TSPEAR: variants seen among roughly 807,000 people sequenced by gnomAD.
TSPEAR encodes thrombospondin type laminin G domain and EAR repeats.
Under a neutral mutation model 71.6 loss-of-function variants are expected in TSPEAR, and 69 were observed. That is an observed-to-expected ratio of 0.96 (90% CI 0.79 to 1.18). The LOEUF is 1.18. Among genes scored for constraint, TSPEAR ranks in the 50% most tolerant of loss-of-function variants. TSPEAR has a pLI of 0.00. For missense variants in TSPEAR, 971 were observed against 894.9 expected (o/e 1.09, Z -1.09); for synonymous variants, 402 against 387.2 (o/e 1.04, Z -0.45).
chr21:44,551,925 T>C (rs1383165722), intron 2 of TSPEAR, among the ~76,000 whole-genome samples: 8 of 151,896 alleles, frequency 5.3e-5, no homozygotes, highest in Non-Finnish European at 1.0e-4. Context: ...AGGATGGAGG[T>C]GCCTGTGTTG....
intron 1 of TSPEAR, among the ~76,000 whole-genome samples, chr21:44,643,706 C>G (rs1396642565): frequency 1.3e-5 from 2 of 152,136 alleles, no homozygotes; most frequent in African/African-American, 4.8e-5. Context: ...CACACACATT[C>G]ACACACATAC....
At chr21:44,572,696 G>A (rs73907029) in intron 1 of TSPEAR, among the ~76,000 whole-genome samples, 2,956 of 151,924 alleles carry the variant, frequency 0.019, 100 homozygotes, top group African/African-American at 0.068. Flanking sequence ...AAAAGGTGCC[G>A]AAGTCCTGAC....
rs191914273 is a variant in TSPEAR, at chr21:44,531,830, G to T, written c.543-697C>A. On this transcript the variant is annotated intron_variant, in intron 3 of 11. Coordinates refer to ENST00000323084, the MANE Select transcript of TSPEAR (RefSeq NM_144991.3). ...GAGCAGGCGGTCTTGACGAGTGCGT[G>T]GAGGCTGAACTCCGGAGATGGAGCA... is the stretch of plus-strand genomic sequence containing the variant. 7.9e-3 allele frequency among the ~76,000 whole-genome samples: 1,205 copies of T among 152,354 alleles called. 15 individuals are homozygous for T. The highest frequency in any genetic ancestry group is 0.028 in the African/African-American group (1,164 of 41,580).
intron 1 of TSPEAR, chr21:44,681,815 G>C: frequency 6.3e-7 from 1 of 1,595,502 alleles, no homozygotes; most frequent in Non-Finnish European, 8.6e-7. Flanking sequence ...TGGGAGCAGC[G>C]GGTCTGGAGA....
At chr21:44,667,354 G>A (rs1555945112) in intron 1 of TSPEAR, among the ~76,000 whole-genome samples, 1 of 152,188 alleles carries the variant, frequency 6.6e-6, no homozygotes, top group Non-Finnish European at 1.5e-5. Context: ...ATCTGTGGGT[G>A]TCCTGAGAGC....
At chr21:44,616,112 C>CT (rs1462351057) in intron 1 of TSPEAR, among the ~76,000 whole-genome samples, 1 of 152,158 alleles carries the variant, frequency 6.6e-6, no homozygotes, top group Non-Finnish European at 1.5e-5. Flanking sequence ...GCGGGCACCT[C>CT]CCAGCGGGGC....
chr21:44,662,542 C>G (rs1328987348), intron 1 of TSPEAR, among the ~76,000 whole-genome samples: 1 of 152,176 alleles, frequency 6.6e-6, no homozygotes, highest in Non-Finnish European at 1.5e-5. Flanking sequence ...TGTCATTGGA[C>G]TTCAGCTTCA....
At chr21:44,703,732 ACACAATGGGATCTGGGGCCC>A (rs1987770135) in intron 1 of TSPEAR, among the ~76,000 whole-genome samples, 1 of 152,186 alleles carries the variant, frequency 6.6e-6, no homozygotes, top group Non-Finnish European at 1.5e-5. Flanking sequence ...TAGGGATCCC[ACACAATGGGATCTGGGGCCC>A]AAGCTGGCCA....
At chr21:44,675,599 CA>C (rs1441535656) in intron 1 of TSPEAR, among the ~76,000 whole-genome samples, 1 of 151,902 alleles carries the variant, frequency 6.6e-6, no homozygotes, top group Non-Finnish European at 1.5e-5. Context: ...GTAGAGATCA[CA>C]AACATTATTT....
intron 1 of TSPEAR, among the ~76,000 whole-genome samples, chr21:44,708,042 CA>C (rs1555952848): frequency 5.4e-5 from 7 of 130,202 alleles, no homozygotes; most frequent in African/African-American, 1.7e-4. Context: ...CACACACACA[CA>C]CACCACACAG....
intron 8 of TSPEAR, among the ~76,000 whole-genome samples, chr21:44,523,109 G>T (rs587760656): frequency 5.7e-5 from 8 of 140,230 alleles, no homozygotes; most frequent in Middle Eastern, 7.3e-3. Flanking sequence ...CAGCCAATTA[G>T]TCAGTGAAGT....
intron 8 of TSPEAR, among the ~76,000 whole-genome samples, chr21:44,522,734 T>C (rs2052760250): frequency 6.6e-6 from 1 of 152,264 alleles, no homozygotes; most frequent in Non-Finnish European, 1.5e-5. Context: ...TCACTGTCTC[T>C]GCTGGCACAA....
intron 7 of TSPEAR, among the ~76,000 whole-genome samples, chr21:44,526,706 A>G (rs2052862914): frequency 6.6e-6 from 1 of 152,248 alleles, no homozygotes; most frequent in South Asian, 2.1e-4. Context: ...TCTCTAGGAC[A>G]TGGCTGTGTA....
intron 8 of TSPEAR, 94 bp downstream of exon 8, chr21:44,525,559 T>A: frequency 7.6e-7 from 1 of 1,318,866 alleles, no homozygotes; most frequent in Non-Finnish European, 1.1e-6. Context: ...TGTGGCTTAT[T>A]GTTTTCTAAT....
Position 44,695,673 on chromosome 21 carries a change from A to G in TSPEAR, c.82+15760T>C, listed in dbSNP as rs1384869906. 6.6e-6 allele frequency among the ~76,000 whole-genome samples: 1 copy of G among 152,184 alleles called. No individual in the cohort carries two copies. Among genetic ancestry groups the G allele is most frequent in the Non-Finnish European group, 1.5e-5 (1 of 68,028 alleles). The stretch of plus-strand genomic sequence containing the variant: ...TGCTCATAGCTTGAAATCAGCCAGG[A>G]TATGAATATTTACACCACGGATGAC... On this transcript the variant is annotated intron_variant, in intron 1 of 11. Transcript: ENST00000323084. This position sits in a 1 kb window ranked among gnomAD's most constrained non-coding sequence, Gnocchi z 4.5.
At chr21:44,676,484 C>T in intron 1 of TSPEAR, 1 of 890,512 alleles carries the variant, frequency 1.1e-6, no homozygotes. Context: ...TGACTCTGAA[C>T]AGCGTGTTCG....
In TSPEAR at chr21:44,695,863, C is replaced by T. The variant is rs1987310726; in HGVS notation, c.82+15570G>A. ...CAAGGGGCCCATCCACCACACACCT[C>T]GAGCCCTCACCTGCTGGTCACTGCC... On this transcript the variant is annotated intron_variant, in intron 1 of 11. Coordinates refer to ENST00000323084, the MANE Select transcript of TSPEAR (RefSeq NM_144991.3). This position sits in a 1 kb window ranked among gnomAD's most constrained non-coding sequence, Gnocchi z 4.5. Among the ~76,000 whole-genome samples the T allele has an allele frequency of 1.3e-5, 2 of 152,090 alleles. No individual in the cohort carries two copies. The highest frequency in any genetic ancestry group is 1.3e-4 in the Admixed American group (2 of 15,264).
At position 44,648,869 on chromosome 21, in the gene TSPEAR, C is replaced by T. The variant is rs587690439; in HGVS notation, c.82+62564G>A. On this transcript the variant is annotated intron_variant, in intron 1 of 11. Coordinates refer to ENST00000323084, the MANE Select transcript of TSPEAR (RefSeq NM_144991.3). ...GTGTCCATGCAACTGTCCAAGCCCA[C>T]GCGGTCAAGCTGCCGTGCCAGACGC... Among the ~76,000 whole-genome samples the T allele has an allele frequency of 6.7e-4, 102 of 152,368 alleles. 1 individual carries two copies. The highest frequency in any genetic ancestry group is 2.3e-3 in the African/African-American group (95 of 41,578).
chr21:44,579,637 G>GT (rs1242234886), intron 1 of TSPEAR: 1 of 1,195,426 alleles, frequency 8.4e-7, no homozygotes, highest in African/African-American at 1.6e-5. Flanking sequence ...GAGTATGGAG[G>GT]GGGGGGTCAC....
Sources: allele counts gnomAD v4.1 joint callset (sites outside exome capture counted in the v4.1 genomes callset), GRCh38; gene constraint gnomAD v4.1.1; non-coding constraint Gnocchi (gnomAD v3.1); transcripts MANE v1.5; gene names NCBI Gene and HGNC (gene_info 2026-07-23, HGNC 2026-07-21).